The following SPIRE1 variants were observed in gnomAD, a reference collection of about 807,000 sequenced individuals.
SPIRE1 encodes spire type actin nucleation factor 1.
A neutral mutation model predicts 94.1 loss-of-function variants in SPIRE1; 40 were observed. The observed-to-expected ratio is 0.43, with a 90% CI of 0.33 to 0.55. The LOEUF is 0.55. SPIRE1 is among the 20% of genes least tolerant of loss of function. The pLI is 0.06. For missense variants in SPIRE1, 838 were observed against 975.2 expected (o/e 0.86, Z 1.87); for synonymous variants, 376 against 371.7 (o/e 1.01, Z -0.13).
intron 1 of SPIRE1, among the ~76,000 whole-genome samples, chr18:12,640,342 A>G (rs2144845409): frequency 6.6e-6 from 1 of 152,296 alleles, no homozygotes; most frequent in South Asian, 2.1e-4. Context: ...CCCTCTAACC[A>G]TGTGAAATTA....
chr18:12,470,591 T>G (rs1429232108), intron 10 of SPIRE1, among the ~76,000 whole-genome samples: 1 of 152,120 alleles, frequency 6.6e-6, no homozygotes, highest in Non-Finnish European at 1.5e-5. Context: ...CTGTTAACAG[T>G]CAGGTCTCCT....
chr18:12,450,911 G>A, intron 16 of SPIRE1: 2 of 697,846 alleles, frequency 2.9e-6, no homozygotes, highest in Non-Finnish European at 2.6e-6. Flanking sequence ...TGAGAAGGAT[G>A]TTTCTGACTA....
At chr18:12,607,911 C>G (rs2144670556) in intron 2 of SPIRE1, among the ~76,000 whole-genome samples, 1 of 152,244 alleles carries the variant, frequency 6.6e-6, no homozygotes, top group African/African-American at 2.4e-5. Context: ...AATCCCAGCA[C>G]TTTGGGAGGC....
intron 2 of SPIRE1, among the ~76,000 whole-genome samples, chr18:12,548,574 TG>T (rs569781500): frequency 7.9e-5 from 12 of 152,030 alleles, no homozygotes; most frequent in Non-Finnish European, 1.6e-4. Context: ...ATTTACAGTC[TG>T]ACCTGGCACT....
intron 2 of SPIRE1, among the ~76,000 whole-genome samples, chr18:12,548,732 C>A (rs201002480): frequency 6.6e-6 from 1 of 151,876 alleles, no homozygotes; most frequent in East Asian, 1.9e-4. Context: ...CCCACCTTAG[C>A]CTCCCTAGTA....
chr18:12,575,946 G>A (rs1354471918), intron 2 of SPIRE1, among the ~76,000 whole-genome samples: 8 of 152,242 alleles, frequency 5.3e-5, no homozygotes, highest in Non-Finnish European at 1.5e-5. Flanking sequence ...GCTCACGCCT[G>A]TAATCCCAGC....
intron 2 of SPIRE1, among the ~76,000 whole-genome samples, chr18:12,625,208 T>C (rs1048272500): frequency 2.2e-4 from 33 of 152,140 alleles, no homozygotes; most frequent in Admixed American, 1.3e-4. Flanking sequence ...AAATTGACAC[T>C]CGGAAGCGGC....
intron 2 of SPIRE1, among the ~76,000 whole-genome samples, chr18:12,594,658 T>A (rs2036622458): frequency 6.6e-6 from 1 of 152,242 alleles, no homozygotes. Context: ...CTTATCTTTA[T>A]TTTCTAATCT....
intron 4 of SPIRE1, among the ~76,000 whole-genome samples, chr18:12,534,928 C>T (rs1189435931): frequency 6.6e-6 from 1 of 152,180 alleles, no homozygotes; most frequent in East Asian, 1.9e-4. Flanking sequence ...CTAATATATA[C>T]CCATTACCTA....
intron 2 of SPIRE1, among the ~76,000 whole-genome samples, chr18:12,554,466 AGATAAATAATAAGTAATGAGATCAAAGT>A (rs1366238020): frequency 6.6e-6 from 1 of 152,216 alleles, no homozygotes; most frequent in African/African-American, 2.4e-5. Context: ...AAACCTGAAC[AGATAAATAATAAGTAATGAGATCAAAGT>A]GATAAAAAGC....
chr18:12,655,903 C>G (rs1407307487), intron 1 of SPIRE1, among the ~76,000 whole-genome samples: 2 of 152,012 alleles, frequency 1.3e-5, no homozygotes, highest in Non-Finnish European at 2.9e-5. Context: ...CACGATATTG[C>G]TGTATTTTTT....
At chr18:12,557,175 G>C (rs2035540357) in intron 2 of SPIRE1, among the ~76,000 whole-genome samples, 1 of 152,214 alleles carries the variant, frequency 6.6e-6, no homozygotes, top group Non-Finnish European at 1.5e-5. Context: ...CAGTCAATGG[G>C]ACCGGTCGCC....
At chr18:12,493,895 T>TTATTG (rs774555265) in intron 7 of SPIRE1, among the ~76,000 whole-genome samples, 2 of 151,588 alleles carry the variant, frequency 1.3e-5, no homozygotes, top group Non-Finnish European at 1.5e-5. Flanking sequence ...TTTTTTTGTG[T>TTATTG]TTTTGTTTTG....
intron 4 of SPIRE1, among the ~76,000 whole-genome samples, chr18:12,533,030 C>T (rs941690150): frequency 3.3e-5 from 5 of 152,136 alleles, no homozygotes; most frequent in Admixed American, 6.5e-5. Context: ...AAAGCACTAC[C>T]CTTAGGGGAA....
chr18:12,547,740 G>A (rs1395357220), intron 2 of SPIRE1, among the ~76,000 whole-genome samples: 2 of 152,118 alleles, frequency 1.3e-5, no homozygotes, highest in African/African-American at 4.8e-5. Context: ...TCAGGAGTTC[G>A]AGATCAGCCT....
At chr18:12,658,124 C>CCGCCCCACCT (rs2038613447), upstream of SPIRE1, 1 of 954,700 alleles carries the variant, frequency 1.0e-6, no homozygotes, top group Non-Finnish European at 1.2e-6. Flanking sequence ...CCGCCCCGCC[C>CCGCCCCACCT]CGCCCCGCCT....
intron 16 of SPIRE1, chr18:12,450,975 A>G: frequency 1.6e-6 from 1 of 623,832 alleles, no homozygotes; most frequent in South Asian, 1.5e-5. Flanking sequence ...GTTGCCCAGA[A>G]AAAGGTGGAA....
chr18:12,637,131 A>C (rs2037952510), intron 1 of SPIRE1, among the ~76,000 whole-genome samples: 1 of 152,154 alleles, frequency 6.6e-6, no homozygotes, highest in Admixed American at 6.5e-5. Context: ...AGACCGAGGC[A>C]GACAGATCAT....
chr18:12,569,405 C>T (rs2035903644), intron 2 of SPIRE1, among the ~76,000 whole-genome samples: 1 of 151,506 alleles, frequency 6.6e-6, no homozygotes, highest in Non-Finnish European at 1.5e-5. Context: ...GGCATGTGCA[C>T]CAGCTGACTC....
Sources: allele counts gnomAD v4.1 joint callset (sites outside exome capture counted in the v4.1 genomes callset), GRCh38; gene constraint gnomAD v4.1.1; transcripts MANE v1.5; gene names NCBI Gene and HGNC (gene_info 2026-07-23, HGNC 2026-07-21).